Variants in IFRD1 observed in about 807,000 individuals in gnomAD.
IFRD1 encodes the protein interferon related developmental regulator 1.
IFRD1 carries 35 observed loss-of-function variants against 52.9 expected under a neutral mutation model. The ratio of observed to expected loss-of-function variants is 0.66; its 90% confidence interval spans 0.51 to 0.88. The LOEUF (loss-of-function observed/expected upper bound fraction) is 0.88, where lower values mean the gene tolerates loss of function less well. IFRD1 is among the 40% of genes least tolerant of loss of function. IFRD1 has a pLI of 0.00. For missense variants in IFRD1, 517 were observed against 550.8 expected, an observed-to-expected ratio of 0.94 and a Z score of 0.61; for synonymous variants, 184 against 188.4, an observed-to-expected ratio of 0.98 and a Z score of 0.19.
At position 112,458,810 on chromosome 7, in the gene IFRD1, A is replaced by G. The variant is rs145177050; in HGVS notation, c.410-51A>G. 2.4e-3 allele frequency: 3,757 copies of G among 1,537,612 alleles called. 9 individuals carry two copies. Among genetic ancestry groups the G allele is most frequent in the Non-Finnish European group, 3.2e-3 (3,513 of 1,110,786 alleles). ...AATTTGGGAAATAACTGTCTTAGTA[A>G]GTTAGTCTACTGAAAAGACTATCGT... On this transcript the variant is annotated intron_variant, in intron 4 of 11. Coordinates refer to ENST00000403825, the MANE Select transcript of IFRD1 (RefSeq NM_001550.4).
In IFRD1 at chr7:112,467,730, T is replaced by G. The variant is rs1246632172; in HGVS notation, c.907-251T>G. ...TGGTGGGAACACAAGAAATATTTGT[T>G]GGATGCATTTACTTGGAAGGGAAAT... is the stretch of plus-strand genomic sequence containing the variant. On this transcript the variant is annotated intron_variant, in intron 8 of 11. Coordinates refer to ENST00000403825, the MANE Select transcript of IFRD1 (RefSeq NM_001550.4). 17 of 453,974 alleles carry G rather than the reference T, an allele frequency of 3.7e-5. No individual in the cohort carries two copies. In the East Asian group the frequency reaches 7.8e-4, roughly 21 times the overall value. The allele number at this position is 453,974 out of a possible 1,614,324, so 28.1% of individuals were successfully genotyped here. A position where few individuals can be genotyped will look rare whatever the true frequency, so the allele number is the denominator to read the frequency against.
intron 9 of IFRD1, among the ~76,000 whole-genome samples, chr7:112,471,270 A>C (rs554412633): frequency 1.2e-4 from 18 of 152,298 alleles, no homozygotes; most frequent in Admixed American, 2.0e-4. Context: ...TTTTACGGGC[A>C]AGGGAACAGA....
intron 8 of IFRD1, among the ~76,000 whole-genome samples, chr7:112,465,520 AT>A (rs1247746812): frequency 6.6e-6 from 1 of 152,138 alleles, no homozygotes; most frequent in East Asian, 1.9e-4. Context: ...ATTCTGTTGT[AT>A]TTATATTGTG....
At chr7:112,423,196 A>G (rs939791315) in exon 1 of IFRD1, 6 of 152,212 alleles carry the variant, frequency 3.9e-5, no homozygotes, top group African/African-American at 1.2e-4. Flanking sequence ...AGGTCTACAT[A>G]GTTAAAGGTT....
chr7:112,427,497 G>A (rs1323398297), intron 1 of IFRD1, among the ~76,000 whole-genome samples: 2 of 152,100 alleles, frequency 1.3e-5, no homozygotes, highest in Admixed American at 1.3e-4. Context: ...TGGTCTTTTT[G>A]TCTCAGTAGC....
At chr7:112,460,578 G>A (rs569330157) in intron 5 of IFRD1, among the ~76,000 whole-genome samples, 37 of 152,164 alleles carry the variant, frequency 2.4e-4, no homozygotes, top group African/African-American at 8.2e-4. Flanking sequence ...TTTTCTTAGA[G>A]TCATCAAAAG....
chr7:112,433,292 TGG>T (rs1794585463), intron 1 of IFRD1, among the ~76,000 whole-genome samples: 1 of 152,036 alleles, frequency 6.6e-6, no homozygotes, highest in Non-Finnish European at 1.5e-5. Flanking sequence ...GGTTGGAAAG[TGG>T]GGTGTGCTGA....
intron 1 of IFRD1, among the ~76,000 whole-genome samples, chr7:112,433,049 A>AT (rs141384925): frequency 0.012 from 1,880 of 152,322 alleles, 44 homozygotes; most frequent in African/African-American, 0.043. Context: ...AATTTCAGAG[A>AT]TATTAAATGG....
chr7:112,453,159 C>G (rs1470064751), intron 1 of IFRD1, among the ~76,000 whole-genome samples: 1 of 152,056 alleles, frequency 6.6e-6, no homozygotes, highest in Non-Finnish European at 1.5e-5. Flanking sequence ...ACCAAATTGT[C>G]ATTATTACTT....
intron 1 of IFRD1, among the ~76,000 whole-genome samples, chr7:112,428,871 A>G (rs1794486779): frequency 6.6e-6 from 1 of 152,158 alleles, no homozygotes; most frequent in South Asian, 2.1e-4. Context: ...CAGTAGATTA[A>G]TCTTCCTCAA....
Position 112,475,566 on chromosome 7 carries a change from A to G in IFRD1, c.*47A>G, listed in dbSNP as rs767584779. 3 of 1,135,732 alleles carry G rather than the reference A, an allele frequency of 2.6e-6. No homozygotes were observed. In the Admixed American group the frequency reaches 5.5e-5, roughly 21 times the overall value. 70.4% of individuals were successfully genotyped at this position (1,135,732 alleles called of 1,614,324 possible). A position where few individuals can be genotyped will look rare whatever the true frequency, so the allele number is the denominator to read the frequency against. ...TTTTCTAATTTCTATTTTTTTTTCT[A>G]TTTCAATGTATTTAAACTCTAGACA... On this transcript the variant is annotated 3_prime_UTR_variant, in exon 12 of 12. Transcript: ENST00000403825.
Position 112,456,092 on chromosome 7 carries a change from C to A in IFRD1, c.284+6C>A. ...GACCTAACCCTGGATAAGAGGTAGG[C>A]AATACTGGAAACTCCATTCTGTGTG... On this transcript the variant is annotated splice_donor_region_variant and intron_variant, in intron 3 of 11. Coordinates refer to ENST00000403825, the MANE Select transcript of IFRD1 (RefSeq NM_001550.4). 1 of 1,524,714 alleles carries A rather than the reference C, an allele frequency of 6.6e-7. No individual in the cohort carries two copies. Among genetic ancestry groups the A allele is most frequent in the Non-Finnish European group, 9.1e-7 (1 of 1,098,672 alleles). 94.4% of individuals were successfully genotyped at this position (1,524,714 alleles called of 1,614,324 possible). A position where few individuals can be genotyped will look rare whatever the true frequency, so the allele number is the denominator to read the frequency against.
upstream of IFRD1, among the ~76,000 whole-genome samples, chr7:112,446,601 A>C (rs1275584013): frequency 6.6e-6 from 1 of 152,174 alleles, no homozygotes; most frequent in African/African-American, 2.4e-5. Flanking sequence ...ATGCGACCTT[A>C]GAATGGAGAG....
chr7:112,445,048 T>C (rs1047122524), intron 1 of IFRD1, among the ~76,000 whole-genome samples: 3 of 148,388 alleles, frequency 2.0e-5, no homozygotes, highest in Admixed American at 6.8e-5. Context: ...TGGAATCAGA[T>C]AGGCCTAGGC....
chr7:112,461,604 CAAT>C (rs1017713177), intron 5 of IFRD1: 11 of 242,794 alleles, frequency 4.5e-5, no homozygotes, highest in Non-Finnish European at 8.5e-5. Flanking sequence ...TTTTATGGAT[CAAT>C]AAAAGAAGAC....
chr7:112,471,455 T>C (rs911772304), intron 9 of IFRD1, among the ~76,000 whole-genome samples: 1 of 152,134 alleles, frequency 6.6e-6, no homozygotes, highest in African/African-American at 2.4e-5. Context: ...AAGTTCCATC[T>C]CCTTTCTCCT....
intron 9 of IFRD1, 86 bp from the exon 10 acceptor site, chr7:112,472,133 A>G: frequency 2.3e-6 from 3 of 1,328,686 alleles, no homozygotes; most frequent in Admixed American, 3.4e-5. Flanking sequence ...CTCAGCATGT[A>G]TATGACTGTT....
chr7:112,475,074 T>A (rs1795863421), intron 11 of IFRD1, among the ~76,000 whole-genome samples: 1 of 152,174 alleles, frequency 6.6e-6, no homozygotes, highest in African/African-American at 2.4e-5. Flanking sequence ...TTCTCCTGCC[T>A]CAGCCTCCCG....
At chr7:112,472,401 T>G (rs1795774216) in intron 10 of IFRD1, 54 bp downstream of exon 10, 3 of 1,589,144 alleles carry the variant, frequency 1.9e-6, no homozygotes, top group African/African-American at 1.3e-5. Context: ...CAGTCTTGAA[T>G]ATAGCTCACT....
Sources: gnomAD v4.1 joint callset for allele counts (sites outside exome capture counted in the v4.1 genomes callset) on GRCh38, gnomAD v4.1.1 for gene constraint, MANE v1.5 for transcripts, NCBI Gene and HGNC (gene_info 2026-07-23, HGNC 2026-07-21) for gene names.